Variants in MUC17 observed in about 807,000 individuals in gnomAD.
MUC17 encodes mucin 17, cell surface associated.
A neutral mutation model predicts 170.3 loss-of-function variants in MUC17; 190 were observed. The observed-to-expected ratio is 1.12, with a 90% confidence interval of 0.99 to 1.26. MUC17 has a LOEUF of 1.26. Among genes scored for constraint, MUC17 ranks in the 50% most tolerant of loss-of-function variants. The probability of loss-of-function intolerance (pLI) is 0.00; values close to 1 mark genes in which losing one functional copy is unlikely to be tolerated. For synonymous variants in MUC17, 2,325 were observed against 2,002.5 expected, an observed-to-expected ratio of 1.16 and a Z score of -4.30; for missense variants, 6,415 against 5,530.0, an observed-to-expected ratio of 1.16 and a Z score of -5.08.
rs555730332 is a variant in MUC17 at position 101,052,276 on chromosome 7, G to C, written c.13103+314G>C. Among the ~76,000 whole-genome samples the C allele has an allele frequency of 2.6e-5, 4 of 152,350 alleles. No individual in the cohort carries two copies. In the East Asian group the frequency reaches 7.7e-4, roughly 29 times the overall value. ...CAGAGCCTTGCTCTCTCTCCAGAGA[G>C]AGAACAAGATCCTCTGCTGGTGAAA... On this transcript the variant is annotated intron_variant, in intron 9 of 12. Transcript: ENST00000306151.
In MUC17 at chr7:101,033,212, C is replaced by T. The variant is rs764748549; in HGVS notation, c.1796C>T (p.Thr599Ile). Residue 599 changes from threonine (T) to isoleucine (I), a missense_variant, in exon 3 of 13, where the codon ACT (threonine) becomes ATT (isoleucine). Transcript: ENST00000306151. ...TTSTTPADSNTFVTTSSEASS... is the reference protein window; with the variant it reads ...TTSTTPADSNIFVTTSSEASS... ...TCAACAACTCCTGCTGACTCCAACA[C>T]TTTTGTGACCACTTCTAGTGAAGCT... 3.7e-5 allele frequency: 59 copies of T among 1,613,986 alleles called. No homozygotes were observed. Among genetic ancestry groups the T allele is most frequent in the Non-Finnish European group, 4.7e-5 (55 of 1,180,004 alleles).
rs747479331 is a variant in MUC17, at chr7:101,034,300, A to G, written c.2884A>G (p.Thr962Ala). ...STPVTTSTEA[T>A]SSPTTAEGTS... ...ACCTGTGACCACTTCTACTGAAGCC[A>G]CTTCATCTCCTACAACTGCTGAAGG... The change falls in exon 3 of 13, where the codon ACT becomes GCT. Residue 962 changes from threonine to alanine, a missense_variant. Coordinates refer to ENST00000306151, the MANE Select transcript of MUC17 (RefSeq NM_001040105.2). The G allele has an allele frequency of 6.2e-7, 1 of 1,609,498 alleles. No homozygotes were observed. Among genetic ancestry groups the G allele is most frequent in the Non-Finnish European group, 8.5e-7 (1 of 1,178,304 alleles).
Position 101,042,929 on chromosome 7 carries a change from CT to C in MUC17, c.11514del (p.Pro3839LeufsTer38). The C allele has an allele frequency of 6.2e-7, 1 of 1,614,100 alleles. No individual in the cohort carries two copies. Among genetic ancestry groups the C allele is most frequent in the South Asian group, 1.1e-5 (1 of 91,076 alleles). ...SPSEASTLSTPPGDTSTPLLT... is the reference protein window; with the variant it reads ...SPSEASTLSTXPGDTSTPLLT... The stretch of plus-strand genomic sequence containing the variant: ...TCTGAGGCCAGCACACTTTCAACAC[CT>C]CCTGGTGATACCAGCACACCTTTGC... On this transcript the variant is annotated frameshift_variant, in exon 3 of 13. Transcript: ENST00000306151. LOFTEE classifies it high-confidence loss of function.
chr7:101,033,445 A>G lies in MUC17; in HGVS notation c.2029A>G (p.Ser677Gly). ...TSSSTTAEGTSMPTSTYTEGS... is the reference protein window; with the variant it reads ...TSSSTTAEGTGMPTSTYTEGS... ...ATCTTCTACAACTGCGGAAGGTACC[A>G]GCATGCCAACCTCAACTTATACTGA... Residue 677 changes from serine (S) to glycine (G), a missense_variant, in exon 3 of 13, where the codon AGC (serine) becomes GGC (glycine). By Grantham distance (56) the Ser-to-Gly change is moderately conservative. Transcript: ENST00000306151. 1.2e-6 allele frequency: 2 copies of G among 1,613,550 alleles called. No homozygotes were observed. Among genetic ancestry groups the G allele is most frequent in the Non-Finnish European group, 1.7e-6 (2 of 1,179,744 alleles).
rs1440089016 is a variant in MUC17 at position 101,031,201 on chromosome 7, T to A, written c.164T>A (p.Leu55Gln). 1.2e-6 allele frequency: 2 copies of A among 1,613,604 alleles called. No individual in the cohort carries two copies. The highest frequency in any genetic ancestry group is 1.7e-6 in the Non-Finnish European group (2 of 1,179,804). ...GTCTTGAACCGTCAGTGCCAGCAGC[T>A]GTCTCAGCACGTTAGGACAGGTAAG... ...GDVLNRQCQQ[L>Q]SQHVRTGSAA... Residue 55 changes from leucine (L) to glutamine (Q), a missense_variant, in exon 2 of 13, where the codon CTG becomes CAG. Physicochemically the swap from Leu to Gln is moderately radical, Grantham distance 113. Coordinates refer to ENST00000306151, the MANE Select transcript of MUC17 (RefSeq NM_001040105.2).
Position 101,053,075 on chromosome 7 carries a change from G to A in MUC17, c.13193G>A (p.Gly4398Glu). 1.9e-6 allele frequency: 3 copies of A among 1,614,110 alleles called. No homozygotes were observed. The highest frequency in any genetic ancestry group is 2.5e-6 in the Non-Finnish European group (3 of 1,180,012). The change falls in exon 10 of 13, where the codon GGG (glycine) becomes GAG (glutamate). Residue 4398 changes from glycine to glutamate, a missense_variant. Physicochemically the swap from Gly to Glu is moderately conservative, Grantham distance 98. Coordinates refer to ENST00000306151, the MANE Select transcript of MUC17 (RefSeq NM_001040105.2). Reference sequence around the variant, plus strand: ...CTGGTGTACGGCCTCGTGGGGGCAGGGGTCGTGCTGATGCTGATCATCCTG... The same window carrying A: ...CTGGTGTACGGCCTCGTGGGGGCAGAGGTCGTGCTGATGCTGATCATCCTG... ...KSLVYGLVGA[G>E]VVLMLIILVA...
chr7:101,030,509 C>T (rs983796702), intron 1 of MUC17, among the ~76,000 whole-genome samples: 10 of 152,196 alleles, frequency 6.6e-5, no homozygotes, highest in African/African-American at 2.4e-4. Flanking sequence ...AGGCATGAGC[C>T]ACCACGCCCA....
rs751815831 is a variant in MUC17 at position 101,039,441 on chromosome 7, A to C, written c.8025A>C (p.Thr2675=). ...TTSTGTSSSP[T]TAEGSSMPTS... Reference sequence around the variant, plus strand: ...CCACTGGAACCAGTTCATCTCCTACAACTGCTGAAGGTAGCAGCATGCCAA... The same window carrying C: ...CCACTGGAACCAGTTCATCTCCTACCACTGCTGAAGGTAGCAGCATGCCAA... The change falls in exon 3 of 13, where the codon ACA becomes ACC. Residue 2675 remains threonine (T), a synonymous_variant. Coordinates refer to ENST00000306151, the MANE Select transcript of MUC17 (RefSeq NM_001040105.2). 8.7e-6 allele frequency: 14 copies of C among 1,611,336 alleles called. 1 individual carries two copies. In the Middle Eastern group the frequency reaches 4.9e-4, roughly 57 times the overall value.
intron 1 of MUC17, among the ~76,000 whole-genome samples, chr7:101,024,811 C>T (rs568803901): frequency 7.1e-6 from 1 of 141,624 alleles, no homozygotes; most frequent in East Asian, 2.1e-4. Context: ...AGCGTGATGT[C>T]AGCTCACTGC....
rs367797083 is a variant in MUC17 at position 101,035,833 on chromosome 7, A to G, written c.4417A>G (p.Ser1473Gly). The stretch of plus-strand genomic sequence containing the variant: ...CACGCCGGTGGCCAATTCTGAGGCT[A>G]GCACCCTTTCAACAACTCCTGTTGA... ...SNTPVANSEA[S>G]TLSTTPVDSN... The change falls in exon 3 of 13, where the codon AGC becomes GGC. Residue 1473 changes from serine (S) to glycine (G), a missense_variant. Physicochemically the swap from Ser to Gly is moderately conservative, Grantham distance 56. Transcript: ENST00000306151. 1.7e-5 allele frequency: 28 copies of G among 1,600,406 alleles called. 1 individual carries two copies. In the African/African-American group the frequency reaches 2.4e-4, roughly 14 times the overall value.
Position 101,037,779 on chromosome 7 carries a change from C to A in MUC17, c.6363C>A (p.Thr2121=). 1 of 1,613,028 alleles carries A rather than the reference C, an allele frequency of 6.2e-7. No individual in the cohort carries two copies. Among genetic ancestry groups the A allele is most frequent in the Non-Finnish European group, 8.5e-7 (1 of 1,179,358 alleles). The change falls in exon 3 of 13, where the codon ACC becomes ACA. Residue 2121 remains threonine, a synonymous_variant. Transcript: ENST00000306151. ...CGGTGGCCAGTCCTGAGGCTAGCAC[C>A]CTTTCAACAACTCCTGTTGACTCCA... ...TTPVASPEAS[T]LSTTPVDSNS...
At chr7:101,024,824 C>T (rs1014076019) in intron 1 of MUC17, among the ~76,000 whole-genome samples, 23 of 149,660 alleles carry the variant, frequency 1.5e-4, no homozygotes, top group Middle Eastern at 3.2e-3. Context: ...CTCACTGCAA[C>T]CTCCACCTCC....
At position 101,037,081 on chromosome 7, in the gene MUC17, A is replaced by G; in HGVS notation, c.5665A>G (p.Thr1889Ala). Residue 1889 changes from threonine (T) to alanine (A), a missense_variant, in exon 3 of 13, where the codon ACA becomes GCA. Thr to Ala is a moderately conservative substitution (Grantham distance 58). Transcript: ENST00000306151. Reference protein sequence around the residue: ...VASSETNTLSTTPAVTSTPVT... With the variant: ...VASSETNTLSATPAVTSTPVT... ...CAGTTCTGAAACCAACACCCTTTCA[A>G]CAACTCCCGCTGTCACCAGCACACC... The G allele has an allele frequency of 1.3e-6, 2 of 1,582,476 alleles. No homozygotes were observed. Among genetic ancestry groups the G allele is most frequent in the Admixed American group, 1.7e-5 (1 of 58,130 alleles).
At position 101,035,613 on chromosome 7, in the gene MUC17, A is replaced by T; in HGVS notation, c.4197A>T (p.Thr1399=). 6.2e-7 allele frequency: 1 copy of T among 1,613,662 alleles called. No homozygotes were observed. The highest frequency in any genetic ancestry group is 8.5e-7 in the Non-Finnish European group (1 of 1,179,792). Residue 1399 remains threonine, a synonymous_variant, in exon 3 of 13, where the codon ACA becomes ACT. Transcript: ENST00000306151. ...CTAGTGAAGGAACCACTCCGTTAAC[A>T]AGTATACCTGTCAGCACCACGCCGG... ...SNPSEGTTPL[T]SIPVSTTPVV...
Position 101,032,044 on chromosome 7 carries a change from A to G in MUC17, c.628A>G (p.Thr210Ala), listed in dbSNP as rs371729341. 22 of 1,614,070 alleles carry G rather than the reference A, an allele frequency of 1.4e-5. 1 individual carries two copies. The highest frequency in any genetic ancestry group is 8.9e-5 in the East Asian group (4 of 44,900). ...TGAAAGCACCACCATACCCAAATCAACTAACAGTGAAGGAAGCACTCCATT... is the reference window on the plus strand; with the variant it reads ...TGAAAGCACCACCATACCCAAATCAGCTAACAGTGAAGGAAGCACTCCATT... The part of the protein sequence containing the change: ...TPESTTIPKS[T>A]NSEGSTPLTS... Residue 210 changes from threonine to alanine, a missense_variant, in exon 3 of 13, where the codon ACT (threonine) becomes GCT (alanine). Thr to Ala is a moderately conservative substitution (Grantham distance 58). Transcript: ENST00000306151.
chr7:101,035,631 C>T lies in MUC17; in HGVS notation c.4215C>T (p.Thr1405=), dbSNP rs1189365937. The change falls in exon 3 of 13, where the codon ACC becomes ACT. Residue 1405 remains threonine, a synonymous_variant. Transcript: ENST00000306151. ...CGTTAACAAGTATACCTGTCAGCACCACGCCGGTAGTCAGTTCTGAGGCTA... is the reference window on the plus strand; with the variant it reads ...CGTTAACAAGTATACCTGTCAGCACTACGCCGGTAGTCAGTTCTGAGGCTA... ...TTPLTSIPVS[T]TPVVSSEAST... is the part of the protein sequence containing the mutation. 6.2e-7 allele frequency: 1 copy of T among 1,612,992 alleles called. No individual in the cohort carries two copies. Among genetic ancestry groups the T allele is most frequent in the East Asian group, 2.2e-5 (1 of 44,868 alleles).
Position 101,031,212 on chromosome 7 carries a change from G to C in MUC17, c.175G>C (p.Val59Leu). 6.2e-7 allele frequency: 1 copy of C among 1,612,836 alleles called. No homozygotes were observed. The highest frequency in any genetic ancestry group is 8.5e-7 in the Non-Finnish European group (1 of 1,179,410). Residue 59 changes from valine (V) to leucine (L), a missense_variant, in exon 2 of 13, where the codon GTT (valine) becomes CTT (leucine). Transcript: ENST00000306151. ...NRQCQQLSQH[V>L]RTGSAANTAT... ...TCAGTGCCAGCAGCTGTCTCAGCACGTTAGGACAGGTAAGGCAACAGACTC... is the reference window on the plus strand; with the variant it reads ...TCAGTGCCAGCAGCTGTCTCAGCACCTTAGGACAGGTAAGGCAACAGACTC...
chr7:101,048,792 C>T, intron 4 of MUC17, 53 bp from the exon 5 acceptor site: 2 of 1,604,224 alleles, frequency 1.2e-6, no homozygotes, highest in Non-Finnish European at 1.7e-6. Context: ...GGGGGCAGAT[C>T]TTCTGAGTAG....
In MUC17 at chr7:101,031,997, C is replaced by G; in HGVS notation, c.581C>G (p.Ala194Gly). The G allele has an allele frequency of 6.2e-7, 1 of 1,614,204 alleles. No homozygotes were observed. Among genetic ancestry groups the G allele is most frequent in the Non-Finnish European group, 8.5e-7 (1 of 1,180,044 alleles). Residue 194 changes from alanine (A) to glycine (G), a missense_variant, in exon 3 of 13, where the codon GCA becomes GGA. Transcript: ENST00000306151. ...MSTPLTTSTQ[A>G]SSSPTTPEST... Reference sequence around the variant, plus strand: ...ACACCTCTGACCACTTCTACTCAGGCAAGTTCATCTCCTACTACTCCTGAA... The same window carrying G: ...ACACCTCTGACCACTTCTACTCAGGGAAGTTCATCTCCTACTACTCCTGAA...
Sources: gnomAD v4.1 joint callset for allele counts (sites outside exome capture counted in the v4.1 genomes callset) on GRCh38, gnomAD v4.1.1 for gene constraint, MANE v1.5 for transcripts, NCBI Gene and HGNC (gene_info 2026-07-23, HGNC 2026-07-21) for gene names.